Variants in USP34 observed in about 807,000 individuals in gnomAD.
USP34 encodes ubiquitin carboxyl-terminal hydrolase 34.
USP34 carries 70 observed loss-of-function variants against 460.3 expected under a neutral mutation model. That is an observed-to-expected ratio of 0.15 (90% CI 0.13 to 0.19). The LOEUF (loss-of-function observed/expected upper bound fraction) is 0.19, where lower values mean the gene tolerates loss of function less well. Among genes scored for constraint, USP34 ranks in the 10% least tolerant of loss-of-function variants. The pLI, the probability that USP34 is intolerant of heterozygous loss-of-function variation, is 1.00. For synonymous variants in USP34, 1,647 were observed against 1,405.3 expected (o/e 1.17, Z -3.85); for missense variants, 3,985 against 4,236.2 (o/e 0.94, Z 1.65).
In USP34 at chr2:61,203,079, C is replaced by T. The variant is rs1687022506; in HGVS notation, c.9508+61G>A. On this transcript the variant is annotated intron_variant, in intron 75 of 79. Transcript: ENST00000398571. ...ATTGTCTCATAATTTTTCTCCCCTT[C>T]CTGAATGACTAGGGGCTTAAAATAA... The T allele has an allele frequency of 3.6e-6, 5 of 1,379,764 alleles. No homozygotes were observed. The South Asian group carries it at 1.0e-4, about 28-fold the overall frequency. The allele number at this position is 1,379,764 out of a possible 1,614,324, so 85.5% of individuals were successfully genotyped here.
At chr2:61,408,978 G>A (rs979360234) in intron 2 of USP34, among the ~76,000 whole-genome samples, 41 of 152,104 alleles carry the variant, frequency 2.7e-4, no homozygotes, top group Admixed American at 3.9e-4. Context: ...CCACCACTTT[G>A]GGAGGCCAAA....
intron 53 of USP34, 46 bp from the exon 54 acceptor site, chr2:61,236,435 T>C (rs201798667): frequency 4.4e-4 from 602 of 1,364,550 alleles, no homozygotes; most frequent in Middle Eastern, 1.8e-3. Flanking sequence ...GTTTACTTCA[T>C]TACATTTTAC....
intron 5 of USP34, among the ~76,000 whole-genome samples, chr2:61,387,366 G>A (rs539770904): frequency 1.3e-5 from 2 of 152,028 alleles, no homozygotes; most frequent in Admixed American, 6.6e-5. Context: ...TTGGAAAGCT[G>A]AGGCAGGAGA....
At chr2:61,290,315 T>C (rs1209938509) in intron 33 of USP34, among the ~76,000 whole-genome samples, 1 of 152,154 alleles carries the variant, frequency 6.6e-6, no homozygotes, top group African/African-American at 2.4e-5. Flanking sequence ...CTTACCATAT[T>C]ATTTAGCAAT....
chr2:61,245,276 A>G lies in USP34; in HGVS notation c.6561T>C (p.Asn2187=), dbSNP rs767176799. The change falls in exon 51 of 80, where the codon AAT becomes AAC. Residue 2187 remains asparagine, a synonymous_variant. Transcript: ENST00000398571. ...AATCAAAAGGTTTTACCTCAGCATC[A>G]TTAAAAAGATACCTAAAATAGAGCA... ...AYKNNKWYLF[N]DAEVKPFDSA... 1.9e-6 allele frequency: 3 copies of G among 1,605,084 alleles called. No individual in the cohort carries two copies. Among genetic ancestry groups the G allele is most frequent in the East Asian group, 2.2e-5 (1 of 44,698 alleles).
chr2:61,309,677 A>C (rs1363243945), intron 27 of USP34, among the ~76,000 whole-genome samples: 2 of 152,184 alleles, frequency 1.3e-5, no homozygotes, highest in African/African-American at 4.8e-5. Flanking sequence ...ATTTCATCCT[A>C]AAGAAGAAAT....
chr2:61,242,738 G>C (rs1688304662), intron 51 of USP34, among the ~76,000 whole-genome samples: 1 of 152,136 alleles, frequency 6.6e-6, no homozygotes, highest in Non-Finnish European at 1.5e-5. Flanking sequence ...GAGAACTTCA[G>C]GTGTGCTGTG....
chr2:61,221,050 G>A (rs561630734), intron 66 of USP34, among the ~76,000 whole-genome samples: 19 of 152,296 alleles, frequency 1.2e-4, no homozygotes, highest in African/African-American at 4.6e-4. Context: ...GACACTGTAT[G>A]CCACACAAAG....
chr2:61,325,945 C>A (rs1691074155), intron 20 of USP34, among the ~76,000 whole-genome samples: 1 of 152,062 alleles, frequency 6.6e-6, no homozygotes, highest in Non-Finnish European at 1.5e-5. Flanking sequence ...AATGTTATTT[C>A]CAATCTAAAT....
In USP34 at chr2:61,288,681, G is replaced by A. The variant is rs1689762650; in HGVS notation, c.4745C>T (p.Thr1582Ile). Residue 1582 changes from threonine to isoleucine, a missense_variant, in exon 34 of 80, where the codon ACA becomes ATA. By Grantham distance (89) the Thr-to-Ile change is moderately conservative. Transcript: ENST00000398571. ...HAKGLHIPRL[T>I]EVFLVLVQGT... ...ACATTAATTTCTGCACTTTACCTCT[G>A]TTAATCGTGGTATATGAAGACCCTT... 1.2e-6 allele frequency: 2 copies of A among 1,613,440 alleles called. No individual in the cohort carries two copies. The highest frequency in any genetic ancestry group is 1.7e-6 in the Non-Finnish European group (2 of 1,179,766).
At chr2:61,419,382 G>C (rs960889841) in intron 2 of USP34, among the ~76,000 whole-genome samples, 6 of 147,536 alleles carry the variant, frequency 4.1e-5, no homozygotes, top group Non-Finnish European at 6.0e-5. Flanking sequence ...CGGTGGTTTG[G>C]AGGCAAACAC....
intron 1 of USP34, among the ~76,000 whole-genome samples, chr2:61,457,959 G>C (rs962179428): frequency 6.6e-6 from 1 of 152,020 alleles, no homozygotes; most frequent in Non-Finnish European, 1.5e-5. Context: ...GAGAAAACAG[G>C]AAACACCACA....
intron 7 of USP34, among the ~76,000 whole-genome samples, chr2:61,378,927 A>AAAAAAAAAAAAAC: frequency 6.7e-6 from 1 of 148,948 alleles, no homozygotes; most frequent in Non-Finnish European, 1.5e-5. Flanking sequence ...AAAAAAAAAA[A>AAAAAAAAAAAAAC]AAAAAAAAAA....
intron 27 of USP34, among the ~76,000 whole-genome samples, chr2:61,308,614 C>G (rs2103663797): frequency 6.6e-6 from 1 of 152,216 alleles, no homozygotes; most frequent in East Asian, 1.9e-4. Context: ...ATGTGCCAAA[C>G]TGAAAGGGTC....
chr2:61,454,859 GTTTT>G (rs36058836), intron 1 of USP34, among the ~76,000 whole-genome samples: 1 of 84,658 alleles, frequency 1.2e-5, no homozygotes, highest in Non-Finnish European at 2.4e-5. Context: ...ATATAGTGGG[GTTTT>G]TTTTTTCTTT....
intron 12 of USP34, 121 bp downstream of exon 12, chr2:61,350,139 C>T (rs868270121): frequency 8.9e-7 from 1 of 1,126,010 alleles, no homozygotes; most frequent in Middle Eastern, 3.1e-4. Context: ...TATATGCACT[C>T]TTCTACCCAT....
chr2:61,190,726 T>G, intron 76 of USP34, 68 bp from the exon 77 acceptor site: 1 of 1,536,890 alleles, frequency 6.5e-7, no homozygotes, highest in Non-Finnish European at 8.7e-7. Flanking sequence ...GGAAAAAACT[T>G]ACACAGAAAA....
chr2:61,239,104 T>G (rs1264713521), intron 53 of USP34, among the ~76,000 whole-genome samples: 5 of 152,078 alleles, frequency 3.3e-5, no homozygotes, highest in Non-Finnish European at 7.4e-5. Flanking sequence ...TTGTGTGTGT[T>G]CTGACTGCAC....
intron 35 of USP34, 23 bp downstream of exon 35, chr2:61,284,852 A>G (rs762014856): frequency 1.9e-6 from 3 of 1,577,594 alleles, no homozygotes; most frequent in Non-Finnish European, 2.6e-6. Context: ...ATACACACAT[A>G]AAATATATCT....
Sources: allele counts gnomAD v4.1 joint callset (sites outside exome capture counted in the v4.1 genomes callset), GRCh38; gene constraint gnomAD v4.1.1; transcripts MANE v1.5; gene names NCBI Gene and HGNC (gene_info 2026-07-23, HGNC 2026-07-21).